Variants in IL18 observed in about 807,000 individuals in gnomAD.
IL18 encodes interleukin-18.
Under a neutral mutation model 14.2 loss-of-function variants are expected in IL18, and 8 were observed. That is an observed-to-expected ratio of 0.56 (90% CI 0.33 to 1.01). IL18 has a LOEUF of 1.01. Among genes scored for constraint, IL18 ranks in the 50% least tolerant of loss-of-function variants. The probability of loss-of-function intolerance (pLI) is 0.03; values close to 1 mark genes in which losing one functional copy is unlikely to be tolerated. For missense variants in IL18, 166 were observed against 231.1 expected (o/e 0.72, Z 1.83); for synonymous variants, 67 against 71.0 (o/e 0.94, Z 0.28).
chr11:112,143,987 G>A (rs1056202626), intron 5 of IL18, among the ~76,000 whole-genome samples, 170 bp from the exon 6 acceptor site: 1 of 152,006 alleles, frequency 6.6e-6, no homozygotes, highest in South Asian at 2.1e-4. Flanking sequence ...TCTTAACTCC[G>A]AATCTCCTAT....
intron 1 of IL18, among the ~76,000 whole-genome samples, chr11:112,160,380 C>T (rs1866609584): frequency 6.6e-6 from 1 of 150,388 alleles, no homozygotes; most frequent in African/African-American, 2.4e-5. Context: ...TTAATAGTTC[C>T]TCTAGGAAAA....
intron 1 of IL18, among the ~76,000 whole-genome samples, chr11:112,158,313 CG>C (rs1866569214): frequency 6.6e-6 from 1 of 152,102 alleles, no homozygotes; most frequent in Non-Finnish European, 1.5e-5. Context: ...TTGGAAAAAA[CG>C]TAAAAGTTTG....
intron 5 of IL18, among the ~76,000 whole-genome samples, chr11:112,147,434 C>T (rs941660165): frequency 3.3e-5 from 5 of 152,180 alleles, no homozygotes; most frequent in African/African-American, 1.2e-4. Flanking sequence ...TTCCTCTATC[C>T]CACATAGCTT....
intron 1 of IL18, among the ~76,000 whole-genome samples, chr11:112,163,392 G>A (rs1254128809): frequency 6.6e-6 from 1 of 152,140 alleles, no homozygotes; most frequent in Non-Finnish European, 1.5e-5. Context: ...TAAAGTGAAA[G>A]CTATTTCTAA....
intron 1 of IL18, among the ~76,000 whole-genome samples, chr11:112,156,825 C>G (rs1035011372): frequency 6.6e-6 from 1 of 150,834 alleles, no homozygotes; most frequent in Non-Finnish European, 1.5e-5. Flanking sequence ...AAATATTTAT[C>G]AAACATTTAA....
At chr11:112,147,179 C>G (rs1866358727) in intron 5 of IL18, among the ~76,000 whole-genome samples, 1 of 152,128 alleles carries the variant, frequency 6.6e-6, no homozygotes, top group African/African-American at 2.4e-5. Flanking sequence ...ATCCGCCCCC[C>G]TCGGCCTCCC....
intron 3 of IL18, 93 bp downstream of exon 3, chr11:112,153,499 A>AT (rs954245369): frequency 0.053 from 32,447 of 611,694 alleles, no homozygotes; most frequent in South Asian, 0.06. Context: ...CATGAGAACC[A>AT]TTTTTTTTTT....
intron 3 of IL18, chr11:112,150,432 C>T: frequency 2.4e-6 from 1 of 410,104 alleles, no homozygotes; most frequent in Non-Finnish European, 4.4e-6. Context: ...CTTCAAATAG[C>T]CTACTTTCTG....
intron 1 of IL18, 41 bp downstream of exon 1, chr11:112,163,865 C>T (rs772049138): frequency 6.6e-6 from 1 of 152,348 alleles, no homozygotes; most frequent in African/African-American, 2.4e-5. Flanking sequence ...CTCTAATTGC[C>T]ATGGCTGACT....
rs533588722 is a variant in IL18, at chr11:112,149,437, T to A, written c.226+635A>T. On this transcript the variant is annotated intron_variant, in intron 4 of 5. Coordinates refer to ENST00000280357, the MANE Select transcript of IL18 (RefSeq NM_001562.4). ...CTAAATAAAATATTTAAAATATATGTTAAGGTAAGTATTCAGTATTTTTAA... is the reference window on the plus strand; with the variant it reads ...CTAAATAAAATATTTAAAATATATGATAAGGTAAGTATTCAGTATTTTTAA... Among the ~76,000 whole-genome samples, 3 of 152,226 alleles carry A rather than the reference T, an allele frequency of 2.0e-5. No individual in the cohort carries two copies. The South Asian group carries it at 6.2e-4, about 32-fold the overall frequency.
chr11:112,150,994 T>C (rs1866428960), intron 3 of IL18: 1 of 152,224 alleles, frequency 6.6e-6, no homozygotes, highest in Admixed American at 6.5e-5. Context: ...GCTCGGCATG[T>C]ACCCTCTACT....
chr11:112,158,789 TAA>T (rs529065347), intron 1 of IL18, among the ~76,000 whole-genome samples: 4 of 152,172 alleles, frequency 2.6e-5, no homozygotes, highest in Non-Finnish European at 5.9e-5. Flanking sequence ...TCATTCTAGA[TAA>T]ACTATTTGGA....
At chr11:112,145,442 T>C (rs1866318976) in intron 5 of IL18, among the ~76,000 whole-genome samples, 2 of 152,118 alleles carry the variant, frequency 1.3e-5, no homozygotes, top group Non-Finnish European at 2.9e-5. Context: ...TGAACCAGTA[T>C]AGAAAGTTAC....
intron 1 of IL18, among the ~76,000 whole-genome samples, chr11:112,163,339 T>TA (rs5744230): frequency 0.16 from 24,884 of 152,200 alleles, 2,699 homozygotes; most frequent in Non-Finnish European, 0.25. Flanking sequence ...AAGAGAAGCT[T>TA]ATTTATTTTA....
At chr11:112,145,571 C>T (rs1176019096) in intron 5 of IL18, among the ~76,000 whole-genome samples, 2 of 152,034 alleles carry the variant, frequency 1.3e-5, no homozygotes, top group Admixed American at 1.3e-4. Flanking sequence ...AACCCCGTCT[C>T]TACTAAAAAT....
chr11:112,154,927 G>T (rs1213979503), intron 2 of IL18, 48 bp downstream of exon 2: 1 of 1,180,450 alleles, frequency 8.5e-7, no homozygotes, highest in East Asian at 2.4e-5. Context: ...TTTTCTAATT[G>T]AATAGATTTA....
At chr11:112,155,414 G>A (rs1452699358) in intron 1 of IL18, among the ~76,000 whole-genome samples, 1 of 152,020 alleles carries the variant, frequency 6.6e-6, no homozygotes, top group African/African-American at 2.4e-5. Context: ...ACATCTAATC[G>A]TGCCCTTTAG....
intron 5 of IL18, 75 bp from the exon 6 acceptor site, chr11:112,143,892 T>C: frequency 4.1e-6 from 4 of 981,882 alleles, no homozygotes; most frequent in Non-Finnish European, 3.0e-6. Context: ...TTTTGAAGTA[T>C]ATTACCAAAC....
At chr11:112,146,551 T>C (rs897137663) in intron 5 of IL18, among the ~76,000 whole-genome samples, 2 of 152,214 alleles carry the variant, frequency 1.3e-5, no homozygotes, top group Non-Finnish European at 2.9e-5. Context: ...CTTGAACTCC[T>C]GATCTCAAGT....
Sources: gnomAD v4.1 joint callset for allele counts (sites outside exome capture counted in the v4.1 genomes callset) on GRCh38, gnomAD v4.1.1 for gene constraint, MANE v1.5 for transcripts, NCBI Gene and HGNC (gene_info 2026-07-23, HGNC 2026-07-21) for gene names.